SHISA9: variants seen among roughly 807,000 people sequenced by gnomAD.
SHISA9 encodes the protein shisa family member 9, also known as protein shisa-9.
A neutral mutation model predicts 38.0 loss-of-function variants in SHISA9; 13 were observed. The observed-to-expected ratio is 0.34, with a 90% CI of 0.22 to 0.54. SHISA9 has a LOEUF of 0.54. SHISA9 is among the 20% of genes least tolerant of loss of function. The pLI, the probability that SHISA9 is intolerant of heterozygous loss-of-function variation, is 0.91. For synonymous variants in SHISA9, 275 were observed against 242.0 expected (o/e 1.14, Z -1.27); for missense variants, 538 against 575.8 (o/e 0.93, Z 0.67).
At chr16:13,503,729 T>C in the SHISA9 span, among the ~76,000 whole-genome samples, 15 of 152,120 alleles carry the variant, frequency 9.9e-5, no homozygotes, top group African/African-American at 3.6e-4. Context: ...CACCACAGAT[T>C]CATCCTAAAT....
chr16:12,917,017 C>T (rs570333514), intron 2 of SHISA9, among the ~76,000 whole-genome samples: 12 of 152,146 alleles, frequency 7.9e-5, no homozygotes, highest in Non-Finnish European at 1.6e-4. Flanking sequence ...AATGGCGATC[C>T]ACTTGGTTGG....
At chr16:13,211,814 T>A (rs1364454549) in intron 3 of SHISA9, among the ~76,000 whole-genome samples, 1 of 152,216 alleles carries the variant, frequency 6.6e-6, no homozygotes, top group Non-Finnish European at 1.5e-5. Context: ...AATTTGGGGT[T>A]CAGATGGCTT....
intron 2 of SHISA9, among the ~76,000 whole-genome samples, chr16:13,109,270 C>G (rs2073955362): frequency 6.6e-6 from 1 of 152,090 alleles, no homozygotes; most frequent in Non-Finnish European, 1.5e-5. Context: ...AAGCAATCCT[C>G]CCACCTTGGC....
At chr16:13,066,809 A>G (rs2073440148) in intron 2 of SHISA9, among the ~76,000 whole-genome samples, 2 of 152,196 alleles carry the variant, frequency 1.3e-5, no homozygotes, top group South Asian at 4.1e-4. Context: ...CATTTTACAG[A>G]TATATTTTAT....
the SHISA9 span, chr16:13,562,781 G>A: frequency 2.0e-5 from 3 of 152,084 alleles, no homozygotes; most frequent in Non-Finnish European, 4.4e-5. Flanking sequence ...GGAGAAGAAA[G>A]GCTAAATCCA....
At chr16:13,241,641 G>A (rs1335786219), downstream of SHISA9, among the ~76,000 whole-genome samples, 1 of 152,240 alleles carries the variant, frequency 6.6e-6, no homozygotes, top group Non-Finnish European at 1.5e-5. Flanking sequence ...CAAAGCCAGA[G>A]ATCTGGGGTC....
In SHISA9 at chr16:13,039,771, A is replaced by G. The variant is rs530215757; in HGVS notation, c.691+122956A>G. 1.4e-3 allele frequency among the ~76,000 whole-genome samples: 215 copies of G among 152,306 alleles called. 1 individual carries two copies. The highest frequency in any genetic ancestry group is 2.4e-3 in the Non-Finnish European group (166 of 68,024). Reference sequence around the variant, plus strand: ...AAAGACTGCCAAGAGCAAAAGTTCCATCTAAAGAAAACAGAAAGGAAGGAA... The same window carrying G: ...AAAGACTGCCAAGAGCAAAAGTTCCGTCTAAAGAAAACAGAAAGGAAGGAA... On this transcript the variant is annotated intron_variant, in intron 2 of 4. Coordinates refer to ENST00000558583, the MANE Select transcript of SHISA9 (RefSeq NM_001145204.3).
the SHISA9 span, among the ~76,000 whole-genome samples, chr16:13,257,151 C>A: frequency 6.6e-6 from 1 of 152,174 alleles, no homozygotes; most frequent in Non-Finnish European, 1.5e-5. Context: ...CCCTTACATT[C>A]TTTCTCAGCC....
At chr16:13,364,149 G>T in the SHISA9 span, among the ~76,000 whole-genome samples, 1 of 152,236 alleles carries the variant, frequency 6.6e-6, no homozygotes, top group Non-Finnish European at 1.5e-5. Flanking sequence ...CATCTTTATT[G>T]TCATTGGCTT....
chr16:13,413,563 G>A, the SHISA9 span, among the ~76,000 whole-genome samples: 38 of 151,990 alleles, frequency 2.5e-4, no homozygotes, highest in Admixed American at 7.9e-4. Flanking sequence ...CAAGACCAGC[G>A]TGGCCGATAT....
the SHISA9 span, among the ~76,000 whole-genome samples, chr16:13,389,055 A>G: frequency 6.6e-6 from 1 of 152,118 alleles, no homozygotes; most frequent in Non-Finnish European, 1.5e-5. Flanking sequence ...CACGTCTGCT[A>G]CAATTGATGA....
chr16:13,167,329 C>A (rs2050646477), intron 2 of SHISA9, among the ~76,000 whole-genome samples: 1 of 152,150 alleles, frequency 6.6e-6, no homozygotes, highest in Non-Finnish European at 1.5e-5. Flanking sequence ...ACCTTGGCCT[C>A]CAAAAGTGCT....
At chr16:13,063,952 A>G (rs751695748) in intron 2 of SHISA9, among the ~76,000 whole-genome samples, 3 of 152,154 alleles carry the variant, frequency 2.0e-5, no homozygotes, top group Non-Finnish European at 4.4e-5. Flanking sequence ...TGCCCTACCA[A>G]GGAGATAATT....
chr16:13,267,578 A>G, the SHISA9 span, among the ~76,000 whole-genome samples: 1 of 152,220 alleles, frequency 6.6e-6, no homozygotes, highest in African/African-American at 2.4e-5. Flanking sequence ...AGTGTTCTGT[A>G]TTAAAAACTC....
chr16:13,525,007 A>T, the SHISA9 span, among the ~76,000 whole-genome samples: 1 of 152,020 alleles, frequency 6.6e-6, no homozygotes. Context: ...GTATCAACAC[A>T]CCAGTGAGAA....
chr16:13,273,168 C>A, the SHISA9 span, among the ~76,000 whole-genome samples: 1 of 152,096 alleles, frequency 6.6e-6, no homozygotes, highest in Non-Finnish European at 1.5e-5. Context: ...ATTAAGGACC[C>A]AGTTTTCAAC....
chr16:12,941,966 G>A (rs1474990200), intron 2 of SHISA9, among the ~76,000 whole-genome samples: 1 of 152,204 alleles, frequency 6.6e-6, no homozygotes, highest in Non-Finnish European at 1.5e-5. Flanking sequence ...CAGGTTTGGG[G>A]GCACAGTGGC....
At chr16:13,428,431 G>C in the SHISA9 span, among the ~76,000 whole-genome samples, 1 of 152,134 alleles carries the variant, frequency 6.6e-6, no homozygotes, top group Non-Finnish European at 1.5e-5. Flanking sequence ...CATTGACCAA[G>C]AGCTCAAAAA....
At chr16:12,915,703 A>C (rs190382766) in intron 1 of SHISA9, among the ~76,000 whole-genome samples, 102 of 152,344 alleles carry the variant, frequency 6.7e-4, no homozygotes, top group Middle Eastern at 3.4e-3. Context: ...AATACTATGC[A>C]GCGGCTGCAA....
Sources: gnomAD v4.1 joint callset for allele counts (sites outside exome capture counted in the v4.1 genomes callset) on GRCh38, gnomAD v4.1.1 for gene constraint, MANE v1.5 for transcripts, NCBI Gene and HGNC (gene_info 2026-07-23, HGNC 2026-07-21) for gene names.